The following ST18 variants were observed in gnomAD, a reference collection of about 807,000 sequenced individuals.
ST18 encodes suppression of tumorigenicity 18 protein.
In ST18, 50 loss-of-function variants were observed where a neutral mutation model predicts 110.0. The observed-to-expected ratio is 0.45, with a 90% confidence interval of 0.36 to 0.58. ST18 has a LOEUF of 0.58. ST18 is among the 20% of genes least tolerant of loss of function. ST18 has a pLI of 0.00. For synonymous variants in ST18, 461 were observed against 452.4 expected (o/e 1.02, Z -0.24); for missense variants, 1,306 against 1,280.1 (o/e 1.02, Z -0.31).
intron 2 of ST18, among the ~76,000 whole-genome samples, chr8:52,387,692 G>A (rs1221648784): frequency 6.6e-6 from 1 of 152,022 alleles, no homozygotes. Flanking sequence ...AAAAGTGTAC[G>A]TTCATAACAG....
chr8:52,359,372 G>A (rs972540032), intron 2 of ST18, among the ~76,000 whole-genome samples: 1 of 152,042 alleles, frequency 6.6e-6, no homozygotes. Context: ...AATTAAAAAA[G>A]GAGGAGGAAG....
intron 2 of ST18, among the ~76,000 whole-genome samples, chr8:52,335,582 A>G (rs1159622127): frequency 1.3e-5 from 2 of 152,186 alleles, no homozygotes; most frequent in Admixed American, 6.5e-5. Flanking sequence ...GATCTTACAC[A>G]ATATTTCTGG....
intron 2 of ST18, among the ~76,000 whole-genome samples, chr8:52,247,435 T>A (rs1554779548): frequency 6.6e-6 from 1 of 152,204 alleles, no homozygotes; most frequent in Non-Finnish European, 1.5e-5. Flanking sequence ...TCTGTAAAAG[T>A]AACTCCACTC....
Position 52,133,266 on chromosome 8 carries a change from A to G in ST18, c.2336T>C (p.Val779Ala). The change falls in exon 20 of 26, where the codon GTG (valine) becomes GCG (alanine). Residue 779 changes from valine (V) to alanine (A), a missense_variant. By Grantham distance (64) the Val-to-Ala change is moderately conservative. Transcript: ENST00000689386. Reference protein sequence around the residue: ...PTPGCDGSGHVTGNYASHRSL... With the variant: ...PTPGCDGSGHATGNYASHRSL... Reference sequence around the variant, plus strand: ...TCTGTGGGAAGCATAGTTTCCAGTCACGTGCCCCGAGCCATCGCAGCCTGG... The same window carrying G: ...TCTGTGGGAAGCATAGTTTCCAGTCGCGTGCCCCGAGCCATCGCAGCCTGG... The G allele has an allele frequency of 6.2e-7, 1 of 1,614,156 alleles. No homozygotes were observed. The highest frequency in any genetic ancestry group is 1.3e-5 in the African/African-American group (1 of 75,032).
chr8:52,151,910 T>C (rs1049678266), intron 15 of ST18, among the ~76,000 whole-genome samples: 16 of 152,150 alleles, frequency 1.1e-4, no homozygotes, highest in Admixed American at 7.9e-4. Context: ...GCAAAACCCA[T>C]AAATAGTGCA....
chr8:52,128,167 C>T (rs2047843021), intron 22 of ST18, among the ~76,000 whole-genome samples: 1 of 152,160 alleles, frequency 6.6e-6, no homozygotes, highest in African/African-American at 2.4e-5. Flanking sequence ...CGGGGTTTCA[C>T]CATATTGGCC....
At chr8:52,234,293 C>A (rs1295944786) in intron 2 of ST18, among the ~76,000 whole-genome samples, 1 of 151,960 alleles carries the variant, frequency 6.6e-6, no homozygotes, top group Non-Finnish European at 1.5e-5. Context: ...GAGACAGAGT[C>A]TCACTCTGTC....
chr8:52,346,615 A>C (rs1328134895), intron 2 of ST18, among the ~76,000 whole-genome samples: 4 of 152,228 alleles, frequency 2.6e-5, no homozygotes, highest in African/African-American at 9.6e-5. Flanking sequence ...TGATAAACAC[A>C]ACTGCATCAG....
intron 8 of ST18, chr8:52,210,134 G>T (rs567630888): frequency 2.9e-5 from 13 of 456,134 alleles, no homozygotes; most frequent in South Asian, 1.7e-4. Context: ...CAAGAACCAA[G>T]AAACCACTCC....
intron 7 of ST18, 58 bp downstream of exon 7, chr8:52,214,145 A>C: frequency 6.5e-7 from 1 of 1,528,182 alleles, no homozygotes; most frequent in Non-Finnish European, 9.1e-7. Flanking sequence ...GAGCACTGGA[A>C]CGCTCATATT....
intron 14 of ST18, among the ~76,000 whole-genome samples, 173 bp from the exon 15 acceptor site, chr8:52,159,282 G>C (rs1377497691): frequency 1.3e-5 from 2 of 152,160 alleles, no homozygotes; most frequent in Non-Finnish European, 2.9e-5. Flanking sequence ...GGTTTTCACA[G>C]AGATTCACAG....
intron 2 of ST18, among the ~76,000 whole-genome samples, chr8:52,324,076 C>T (rs1280931973): frequency 6.6e-6 from 1 of 152,134 alleles, no homozygotes; most frequent in Non-Finnish European, 1.5e-5. Context: ...AGAGAATGTT[C>T]CCCAGACTCT....
intron 2 of ST18, among the ~76,000 whole-genome samples, chr8:52,346,004 A>C (rs1817567247): frequency 6.6e-6 from 1 of 152,104 alleles, no homozygotes; most frequent in Non-Finnish European, 1.5e-5. Flanking sequence ...TAGAAAGAGA[A>C]AGATCAAATA....
At chr8:52,317,828 G>T (rs182358852) in intron 2 of ST18, among the ~76,000 whole-genome samples, 1 of 152,076 alleles carries the variant, frequency 6.6e-6, no homozygotes, top group African/African-American at 2.4e-5. Context: ...TACCATGTCC[G>T]TTTGACTTTT....
At chr8:52,232,017 A>G (rs2091532590) in intron 2 of ST18, among the ~76,000 whole-genome samples, 1 of 152,208 alleles carries the variant, frequency 6.6e-6, no homozygotes, top group Non-Finnish European at 1.5e-5. Flanking sequence ...GGTGCTGATA[A>G]GTTTGTGGAC....
At chr8:52,338,128 G>A (rs1221454378) in intron 2 of ST18, among the ~76,000 whole-genome samples, 1 of 151,806 alleles carries the variant, frequency 6.6e-6, no homozygotes, top group Admixed American at 6.6e-5. Context: ...GCATGTTCTC[G>A]GCTCACTGCA....
chr8:52,298,158 C>T (rs1299052631), intron 2 of ST18, among the ~76,000 whole-genome samples: 1 of 152,174 alleles, frequency 6.6e-6, no homozygotes, highest in African/African-American at 2.4e-5. Context: ...ATTTTAGGGC[C>T]TACCCTGGAA....
chr8:52,388,340 C>T (rs914757413), intron 2 of ST18, among the ~76,000 whole-genome samples: 1 of 151,944 alleles, frequency 6.6e-6, no homozygotes, highest in Non-Finnish European at 1.5e-5. Flanking sequence ...CCACACCCAA[C>T]GTGAGTCCCC....
At chr8:52,226,096 A>G (rs1040709689) in intron 3 of ST18, among the ~76,000 whole-genome samples, 11 of 152,228 alleles carry the variant, frequency 7.2e-5, no homozygotes, top group African/African-American at 2.7e-4. Flanking sequence ...GGACAGAGCA[A>G]CAGTGACCTC....
Sources: gnomAD v4.1 joint callset for allele counts (sites outside exome capture counted in the v4.1 genomes callset) on GRCh38, gnomAD v4.1.1 for gene constraint, MANE v1.5 for transcripts, NCBI Gene and HGNC (gene_info 2026-07-23, HGNC 2026-07-21) for gene names.